CDK6: variants seen among roughly 807,000 people sequenced by gnomAD.
The protein encoded by CDK6 is cyclin-dependent kinase 6.
A neutral mutation model predicts 37.1 loss-of-function variants in CDK6; 6 were observed. That is an observed-to-expected ratio of 0.16 (90% CI 0.09 to 0.32). The LOEUF (loss-of-function observed/expected upper bound fraction) is 0.32. Among genes scored for constraint, CDK6 ranks in the 10% least tolerant of loss-of-function variants. CDK6 has a pLI of 1.00. For missense variants in CDK6, 224 were observed against 418.9 expected, an observed-to-expected ratio of 0.53 and a Z score of 4.06; for synonymous variants, 160 against 161.3, an observed-to-expected ratio of 0.99 and a Z score of 0.06.
intron 4 of CDK6, among the ~76,000 whole-genome samples, chr7:92,709,142 TA>T (rs1798030815): frequency 6.6e-6 from 1 of 152,172 alleles, no homozygotes. Context: ...ACATCTTTCT[TA>T]AAACAGCCTC....
intron 3 of CDK6, among the ~76,000 whole-genome samples, chr7:92,734,412 A>G (rs150198511): frequency 2.0e-5 from 3 of 152,256 alleles, no homozygotes; most frequent in East Asian, 1.9e-4. Flanking sequence ...CCCCTCAGCC[A>G]AAGCCCACCT....
intron 4 of CDK6, among the ~76,000 whole-genome samples, chr7:92,701,337 C>T (rs759261079): frequency 1.3e-5 from 2 of 152,032 alleles, no homozygotes; most frequent in Non-Finnish European, 2.9e-5. Flanking sequence ...GGTTTATTCA[C>T]TTGATTAAAA....
intron 5 of CDK6, among the ~76,000 whole-genome samples, chr7:92,651,658 ACAGAGTGACTT>A (rs1216270882): frequency 6.6e-6 from 1 of 152,234 alleles, no homozygotes; most frequent in African/African-American, 2.4e-5. Context: ...ACTGCCAGAA[ACAGAGTGACTT>A]CAGGGGGCTT....
rs750750560 is a variant in CDK6 at position 92,828,914 on chromosome 7, CAGAA to C, written c.233+4173_233+4176del. On this transcript the variant is annotated intron_variant, in intron 2 of 7. Transcript: ENST00000424848. Reference sequence around the variant, plus strand: ...AAACTTTTCAAGGAACTCTCAGAGACAGAAAGAACAAACATACTTTTAACATACT... The same window carrying C: ...AAACTTTTCAAGGAACTCTCAGAGACAGAACAAACATACTTTTAACATACT... 1.4e-4 allele frequency among the ~76,000 whole-genome samples: 21 copies of C among 152,220 alleles called. No homozygotes were observed. The Middle Eastern group carries it at 0.01, about 74-fold the overall frequency.
chr7:92,725,063 C>T (rs1248357432), intron 4 of CDK6: 1 of 985,320 alleles, frequency 1.0e-6, no homozygotes, highest in Non-Finnish European at 1.2e-6. Context: ...CAAAACAGGG[C>T]CGTTGGGTTC....
chr7:92,640,153 C>T (rs1796269531), intron 5 of CDK6, among the ~76,000 whole-genome samples: 1 of 152,126 alleles, frequency 6.6e-6, no homozygotes. Context: ...CGCTCAGCTG[C>T]CCATGGAACG....
intron 4 of CDK6, among the ~76,000 whole-genome samples, chr7:92,696,310 G>A (rs1348278424): frequency 6.6e-6 from 1 of 152,168 alleles, no homozygotes; most frequent in Non-Finnish European, 1.5e-5. Context: ...TTAAAAAGCA[G>A]CTGAAGAGAA....
At chr7:92,750,275 G>C (rs1191359699) in intron 3 of CDK6, among the ~76,000 whole-genome samples, 1 of 152,086 alleles carries the variant, frequency 6.6e-6, no homozygotes, top group African/African-American at 2.4e-5. Context: ...CCCTCTTCGG[G>C]ACCCACTTCC....
chr7:92,661,341 C>T (rs1335148989), intron 5 of CDK6, among the ~76,000 whole-genome samples: 1 of 152,098 alleles, frequency 6.6e-6, no homozygotes, highest in Non-Finnish European at 1.5e-5. Context: ...TTTTAAAGCA[C>T]CAAATATAGC....
At position 92,717,166 on chromosome 7, in the gene CDK6, A is replaced by AC. The variant is rs1298723419; in HGVS notation, c.537+8459dup. ...AGATCAGCCTGGGCAACATAATGAG[A>AC]CCCCCATCTCTTAAAAAAAAAAAGA... is the stretch of plus-strand genomic sequence containing the variant. On this transcript the variant is annotated intron_variant, in intron 4 of 7. Coordinates refer to ENST00000424848, the MANE Select transcript of CDK6 (RefSeq NM_001145306.2). 2.7e-5 allele frequency among the ~76,000 whole-genome samples: 4 copies of AC among 148,680 alleles called. No homozygotes were observed. In the East Asian group the frequency reaches 7.8e-4, roughly 29 times the overall value.
At chr7:92,683,312 A>G (rs1797377082) in intron 4 of CDK6, among the ~76,000 whole-genome samples, 1 of 152,218 alleles carries the variant, frequency 6.6e-6, no homozygotes, top group South Asian at 2.1e-4. Flanking sequence ...AAATGCCTCT[A>G]AGGTCCGTGC....
At chr7:92,753,765 G>A (rs754293312) in intron 3 of CDK6, among the ~76,000 whole-genome samples, 9 of 152,186 alleles carry the variant, frequency 5.9e-5, no homozygotes, top group Non-Finnish European at 1.2e-4. Context: ...ATTGAAGAAA[G>A]CCGTTTCTAC....
intron 2 of CDK6, among the ~76,000 whole-genome samples, chr7:92,782,322 T>C (rs917300041): frequency 1.3e-5 from 2 of 152,188 alleles, no homozygotes; most frequent in Non-Finnish European, 2.9e-5. Flanking sequence ...AAACCACAGA[T>C]GGTCTCTGCC....
At chr7:92,656,047 G>C (rs1027103349) in intron 5 of CDK6, among the ~76,000 whole-genome samples, 2 of 152,044 alleles carry the variant, frequency 1.3e-5, no homozygotes, top group Admixed American at 6.6e-5. Flanking sequence ...AAGACCATGC[G>C]GAATGCTCTA....
chr7:92,684,086 T>G (rs117784553), intron 4 of CDK6, among the ~76,000 whole-genome samples: 1 of 152,338 alleles, frequency 6.6e-6, no homozygotes, highest in East Asian at 1.9e-4. Context: ...ATTAACTTTA[T>G]CTGTTGTCTT....
At chr7:92,695,253 G>A (rs1330010627) in intron 4 of CDK6, among the ~76,000 whole-genome samples, 2 of 148,322 alleles carry the variant, frequency 1.3e-5, no homozygotes, top group African/African-American at 2.5e-5. Context: ...CTTTGTTGGT[G>A]ATTAAGGGAC....
intron 5 of CDK6, among the ~76,000 whole-genome samples, chr7:92,647,721 T>C (rs896477692): frequency 3.9e-5 from 6 of 152,182 alleles, no homozygotes; most frequent in African/African-American, 1.4e-4. Flanking sequence ...ACCAATATAT[T>C]TTCATCTAAA....
At chr7:92,748,875 A>C (rs982264268) in intron 3 of CDK6, among the ~76,000 whole-genome samples, 4 of 152,102 alleles carry the variant, frequency 2.6e-5, no homozygotes, top group African/African-American at 9.7e-5. Context: ...GCAACTTAAG[A>C]TCAAGTGAGC....
chr7:92,653,625 G>C (rs1224055231), intron 5 of CDK6, among the ~76,000 whole-genome samples: 1 of 152,102 alleles, frequency 6.6e-6, no homozygotes, highest in Non-Finnish European at 1.5e-5. Context: ...ACAGCCCTGA[G>C]CATCTCAAGT....
Sources: allele counts gnomAD v4.1 joint callset (sites outside exome capture counted in the v4.1 genomes callset), GRCh38; gene constraint gnomAD v4.1.1; transcripts MANE v1.5; gene names NCBI Gene and HGNC (gene_info 2026-07-23, HGNC 2026-07-21).